B3GALT5: variants seen among roughly 807,000 people sequenced by gnomAD.
B3GALT5 encodes the protein UDP-Gal:betaGlcNAc beta 1,3-galactosyltransferase, polypeptide 5.
For missense variants in B3GALT5, 328 were observed against 396.6 expected (o/e 0.83, Z 1.47); for synonymous variants, 156 against 158.6 (o/e 0.98, Z 0.12).
intron 1 of B3GALT5, among the ~76,000 whole-genome samples, chr21:39,625,819 C>A (rs944559840): frequency 1.3e-5 from 2 of 152,158 alleles, no homozygotes; most frequent in African/African-American, 2.4e-5. Flanking sequence ...TCCCTTCAAG[C>A]CCTTGATTTT....
intron 2 of B3GALT5, among the ~76,000 whole-genome samples, chr21:39,655,957 A>T (rs2079439824): frequency 6.6e-6 from 1 of 152,228 alleles, no homozygotes; most frequent in African/African-American, 2.4e-5. Flanking sequence ...AGGTGGGCAC[A>T]GTGGTCTGGG....
chr21:39,617,137 G>C (rs71316685), intron 1 of B3GALT5, among the ~76,000 whole-genome samples: 11,513 of 152,118 alleles, frequency 0.076, 509 homozygotes, highest in African/African-American at 0.12. Context: ...AATTATTACT[G>C]TCTTTTCCAT....
chr21:39,634,693 T>C (rs2079214798), intron 1 of B3GALT5, among the ~76,000 whole-genome samples: 1 of 152,178 alleles, frequency 6.6e-6, no homozygotes, highest in Non-Finnish European at 1.5e-5. Flanking sequence ...CCTGGTTCTC[T>C]GATCCTGGCC....
intron 1 of B3GALT5, among the ~76,000 whole-genome samples, chr21:39,624,167 A>G (rs2079151783): frequency 6.6e-6 from 1 of 152,184 alleles, no homozygotes. Flanking sequence ...CTGGGAAGGG[A>G]AACTATTAAT....
chr21:39,614,341 G>A (rs1328907314), intron 1 of B3GALT5, among the ~76,000 whole-genome samples: 1 of 151,976 alleles, frequency 6.6e-6, no homozygotes, highest in East Asian at 1.9e-4. Context: ...TCTTTGTTAG[G>A]TAAATTTAAT....
intron 2 of B3GALT5, among the ~76,000 whole-genome samples, chr21:39,654,708 A>G (rs1379012397): frequency 3.7e-4 from 56 of 152,168 alleles, no homozygotes; most frequent in Admixed American, 3.0e-3. Context: ...GACCACCCCA[A>G]CCTTCAACAA....
chr21:39,659,391 G>A (rs566618171), intron 2 of B3GALT5, among the ~76,000 whole-genome samples: 1 of 152,174 alleles, frequency 6.6e-6, no homozygotes, highest in Non-Finnish European at 1.5e-5. Flanking sequence ...TATTCTCTGT[G>A]TTAAATTCTC....
intron 1 of B3GALT5, among the ~76,000 whole-genome samples, chr21:39,638,172 C>T (rs770289296): frequency 1.2e-4 from 19 of 152,130 alleles, no homozygotes; most frequent in Middle Eastern, 3.2e-3. Context: ...CCTGTGCCCA[C>T]GAACCTAGGT....
At chr21:39,642,613 G>T (rs1168958180) in intron 1 of B3GALT5, among the ~76,000 whole-genome samples, 1 of 152,212 alleles carries the variant, frequency 6.6e-6, no homozygotes, top group Non-Finnish European at 1.5e-5. Flanking sequence ...GAAAGTACTT[G>T]TAGGATCAGC....
chr21:39,649,759 G>A (rs1188026695), intron 2 of B3GALT5, among the ~76,000 whole-genome samples: 2 of 152,132 alleles, frequency 1.3e-5, no homozygotes, highest in Non-Finnish European at 2.9e-5. Context: ...GTGACGTTGG[G>A]GATCTGGAGG....
At chr21:39,617,736 A>T (rs1056634422) in intron 1 of B3GALT5, among the ~76,000 whole-genome samples, 3 of 152,200 alleles carry the variant, frequency 2.0e-5, no homozygotes, top group Non-Finnish European at 4.4e-5. Context: ...TAAACTTTTT[A>T]AAAACTTTGA....
At chr21:39,656,811 T>C (rs1241390660) in intron 2 of B3GALT5, among the ~76,000 whole-genome samples, 3 of 152,186 alleles carry the variant, frequency 2.0e-5, no homozygotes, top group Non-Finnish European at 2.9e-5. Context: ...AGATTTCCCG[T>C]TAGAGAGCCT....
intron 1 of B3GALT5, among the ~76,000 whole-genome samples, chr21:39,637,885 T>C (rs1488539900): frequency 1.3e-5 from 2 of 152,166 alleles, no homozygotes; most frequent in South Asian, 2.1e-4. Context: ...AGTGAGCCCT[T>C]TGGGGACATT....
chr21:39,639,365 TCC>T, intron 1 of B3GALT5, among the ~76,000 whole-genome samples: 15 of 134,888 alleles, frequency 1.1e-4, no homozygotes, highest in Admixed American at 1.6e-4. Context: ...CTTCCTTCCT[TCC>T]TTCCTTCCTT....
At chr21:39,646,872 A>C (rs1355512209) in intron 2 of B3GALT5, among the ~76,000 whole-genome samples, 2 of 152,138 alleles carry the variant, frequency 1.3e-5, no homozygotes, top group Non-Finnish European at 2.9e-5. Context: ...AGACGGAGGT[A>C]GGTGGATCCC....
At chr21:39,655,951 G>A (rs2079439668) in intron 2 of B3GALT5, among the ~76,000 whole-genome samples, 1 of 152,222 alleles carries the variant, frequency 6.6e-6, no homozygotes, top group African/African-American at 2.4e-5. Context: ...ATGTTAAGGT[G>A]GGCACAGTGG....
intron 1 of B3GALT5, among the ~76,000 whole-genome samples, chr21:39,639,299 T>TTTCC (rs2079255998): frequency 1.5e-5 from 1 of 67,450 alleles, no homozygotes; most frequent in Non-Finnish European, 2.9e-5. Flanking sequence ...TCTTTCTTTC[T>TTTCC]TTCTTTCTTT....
intron 2 of B3GALT5, chr21:39,657,993 G>T: frequency 9.0e-7 from 1 of 1,106,282 alleles, no homozygotes; most frequent in African/African-American, 1.6e-5. Flanking sequence ...GCTGGCCTGG[G>T]GTGGCTAGGA....
chr21:39,655,439 G>A lies in B3GALT5; in HGVS notation c.-160-4314G>A, dbSNP rs376599563. Among the ~76,000 whole-genome samples the A allele has an allele frequency of 3.0e-4, 46 of 152,318 alleles. 1 individual carries two copies. The highest frequency in any genetic ancestry group is 2.1e-3 in the East Asian group (11 of 5,180). ...TCCAGTGGGCAGGGAGCTGGGTGCC[G>A]GGAGGACTTGGGGTTGCCAGCCCAG... is the stretch of plus-strand genomic sequence containing the variant. On this transcript the variant is annotated intron_variant, in intron 2 of 3. Transcript: ENST00000684187.
Sources: gnomAD v4.1 joint callset for allele counts (sites outside exome capture counted in the v4.1 genomes callset) on GRCh38, gnomAD v4.1.1 for gene constraint, MANE v1.5 for transcripts, NCBI Gene and HGNC (gene_info 2026-07-23, HGNC 2026-07-21) for gene names.